LAMA1: variants seen among roughly 807,000 people sequenced by gnomAD.
LAMA1 encodes laminin subunit alpha-1.
Under a neutral mutation model 348.7 loss-of-function variants are expected in LAMA1, and 219 were observed. The ratio of observed to expected loss-of-function variants is 0.63; its 90% CI spans 0.56 to 0.70. The LOEUF (loss-of-function observed/expected upper bound fraction) is 0.70. Among genes scored for constraint, LAMA1 ranks in the 30% least tolerant of loss-of-function variants. The probability of loss-of-function intolerance (pLI) is 0.00; values close to 1 mark genes in which losing one functional copy is unlikely to be tolerated. For missense variants in LAMA1, 3,744 were observed against 3,888.0 expected (o/e 0.96, Z 0.99); for synonymous variants, 1,487 against 1,491.0 (o/e 1.00, Z 0.06).
chr18:7,112,402 C>T (rs2058339194), intron 1 of LAMA1, among the ~76,000 whole-genome samples: 1 of 152,064 alleles, frequency 6.6e-6, no homozygotes, highest in Non-Finnish European at 1.5e-5. Context: ...GTCCCTCTTA[C>T]ACTAATAGGG....
chr18:6,989,676 G>A (rs2057750285), intron 36 of LAMA1, among the ~76,000 whole-genome samples: 1 of 152,050 alleles, frequency 6.6e-6, no homozygotes, highest in Non-Finnish European at 1.5e-5. Context: ...GCCAATAGGG[G>A]AGGGTCAGGA....
rs748137370 is a variant in LAMA1, at chr18:7,012,023, G to A, written c.3479C>T (p.Ser1160Leu). Reference protein sequence around the residue: ...CFCSGLSHLCSELEDYVRTPV... With the variant: ...CFCSGLSHLCLELEDYVRTPV... Reference sequence around the variant, plus strand: ...GGTCCTCACGTAGTCCTCCAGCTCTGAGCAGAGGTGGGACAGCCCGGAGCA... The same window carrying A: ...GGTCCTCACGTAGTCCTCCAGCTCTAAGCAGAGGTGGGACAGCCCGGAGCA... The change falls in exon 24 of 63, where the codon TCA becomes TTA. Residue 1160 changes from serine to leucine, a missense_variant. Physicochemically the swap from Ser to Leu is moderately radical, Grantham distance 145. Coordinates refer to ENST00000389658, the MANE Select transcript of LAMA1 (RefSeq NM_005559.4). 1.1e-5 allele frequency: 18 copies of A among 1,609,720 alleles called. No individual in the cohort carries two copies. The East Asian group carries it at 1.6e-4, about 14-fold the overall frequency.
In LAMA1 at chr18:7,117,687, A is replaced by T; in HGVS notation, c.34T>A (p.Cys12Ser). The T allele has an allele frequency of 5.0e-6, 8 of 1,598,004 alleles. No homozygotes were observed. Among genetic ancestry groups the T allele is most frequent in the Non-Finnish European group, 6.8e-6 (8 of 1,178,348 alleles). Residue 12 changes from cysteine to serine, a missense_variant, in exon 1 of 63, where the codon TGT becomes AGT. By Grantham distance (112) the Cys-to-Ser change is moderately radical. Coordinates refer to ENST00000389658, the MANE Select transcript of LAMA1 (RefSeq NM_005559.4). ...RGGVLLVLLL[C>S]VAAQCRQRGL... ...CTCTGCCGGCACTGCGCGGCGACAC[A>T]CAGCAGCAAGACCAGGAGCACGCCC...
At chr18:7,086,543 T>A (rs143065211) in intron 1 of LAMA1, among the ~76,000 whole-genome samples, 1 of 151,762 alleles carries the variant, frequency 6.6e-6, no homozygotes, top group Non-Finnish European at 1.5e-5. Flanking sequence ...ACTGCACTTA[T>A]CATTCATACA....
intron 16 of LAMA1, 134 bp downstream of exon 16, chr18:7,031,932 C>A: frequency 1.7e-6 from 1 of 601,584 alleles, no homozygotes; most frequent in Non-Finnish European, 2.9e-6. Flanking sequence ...GAGCTTAAAT[C>A]TGTAAATTTT....
intron 39 of LAMA1, among the ~76,000 whole-genome samples, 180 bp downstream of exon 39, chr18:6,985,057 T>C (rs1208054929): frequency 6.6e-6 from 1 of 152,168 alleles, no homozygotes; most frequent in Non-Finnish European, 1.5e-5. Flanking sequence ...ACCATATATG[T>C]AGGCCAATGG....
Position 6,961,678 on chromosome 18 carries a change from C to A in LAMA1, c.7534G>T (p.Val2512Leu), listed in dbSNP as rs760823496. The A allele has an allele frequency of 6.2e-7, 1 of 1,614,138 alleles. No individual in the cohort carries two copies. The highest frequency in any genetic ancestry group is 8.5e-7 in the Non-Finnish European group (1 of 1,180,024). The change falls in exon 53 of 63, where the codon GTA becomes TTA. Residue 2512 changes from valine to leucine, a missense_variant. By Grantham distance (32) the Val-to-Leu change is conservative. Transcript: ENST00000389658. ...CTGCTGTTCGTGGTGGCAAATGTTA[C>A]CAGCCATTCTGATTCTGGTGACAAA... ...KSLSPESEWL[V>L]TFATTNSSGI...
In LAMA1 at chr18:6,962,009, A is replaced by G; in HGVS notation, c.7388T>C (p.Ile2463Thr). The change falls in exon 52 of 63, where the codon ATA (isoleucine) becomes ACA (threonine). Residue 2463 changes from isoleucine to threonine, a missense_variant. Physicochemically the swap from Ile to Thr is moderately conservative, Grantham distance 89 (BLOSUM62 -1). Coordinates refer to ENST00000389658, the MANE Select transcript of LAMA1 (RefSeq NM_005559.4). ...SFVGCIKNLE[I>T]SRSTFDLLRN... is the part of the protein sequence containing the mutation. ...GAGTAAGTCAAAGGTTGATCTGGAT[A>G]TTTCCAGGTTCTTGATGCAGCCCAC... The G allele has an allele frequency of 6.2e-7, 1 of 1,614,198 alleles. No homozygotes were observed. The highest frequency in any genetic ancestry group is 1.1e-5 in the South Asian group (1 of 91,088).
In LAMA1 at chr18:7,079,957, G is replaced by T. The variant is rs2058186147; in HGVS notation, c.345+18C>A. The stretch of plus-strand genomic sequence containing the variant: ...CAGCAGCCTGTAGACACTCTTCAAT[G>T]GTTCTGGGCTCACCTACCTGTCTTA... On this transcript the variant is annotated intron_variant, in intron 3 of 62. Coordinates refer to ENST00000389658, the MANE Select transcript of LAMA1 (RefSeq NM_005559.4). 2 of 1,559,658 alleles carry T rather than the reference G, an allele frequency of 1.3e-6. No homozygotes were observed. Among genetic ancestry groups the T allele is most frequent in the South Asian group, 2.2e-5 (2 of 89,856 alleles).
At chr18:7,081,533 T>A (rs6417045) in intron 1 of LAMA1, among the ~76,000 whole-genome samples, 101,631 of 152,096 alleles carry the variant, frequency 0.67, 36,192 homozygotes, top group African/African-American at 0.91. Flanking sequence ...GCCTTTGTAC[T>A]GTTCCTTTGT....
chr18:7,046,232 AT>A (rs755030338), intron 6 of LAMA1, 45 bp downstream of exon 6: 1 of 1,224,934 alleles, frequency 8.2e-7, no homozygotes, highest in Non-Finnish European at 1.2e-6. Flanking sequence ...TATAGCTACA[AT>A]TTCTGTTTTG....
chr18:7,040,148 G>A lies in LAMA1; in HGVS notation c.1350C>T (p.Thr450=). The stretch of plus-strand genomic sequence containing the variant: ...CTGGGTTGCACCCACAGGAGACACA[G>A]GTCGGGTAATCCTTATAGCCAAGTT... ...RCQLGYKDYP[T]CVSCGCNPVG... Residue 450 remains threonine (T), a synonymous_variant, in exon 10 of 63, where the codon ACC becomes ACT. Coordinates refer to ENST00000389658, the MANE Select transcript of LAMA1 (RefSeq NM_005559.4). 6.2e-7 allele frequency: 1 copy of A among 1,614,082 alleles called. No individual in the cohort carries two copies. The highest frequency in any genetic ancestry group is 8.5e-7 in the Non-Finnish European group (1 of 1,180,012).
intron 8 of LAMA1, chr18:7,042,514 G>A: frequency 2.5e-6 from 1 of 401,012 alleles, no homozygotes; most frequent in Admixed American, 3.6e-5. Flanking sequence ...CCCTCGCGCT[G>A]CTGTCTCTCA....
chr18:6,983,160 A>G lies in LAMA1; in HGVS notation c.5735T>C (p.Leu1912Pro). The G allele has an allele frequency of 6.2e-7, 1 of 1,614,166 alleles. No individual in the cohort carries two copies. Among genetic ancestry groups the G allele is most frequent in the Non-Finnish European group, 8.5e-7 (1 of 1,180,028 alleles). The change falls in exon 40 of 63, where the codon CTG (leucine) becomes CCG (proline). Residue 1912 changes from leucine (L) to proline (P), a missense_variant. Leu to Pro is a moderately conservative substitution (Grantham distance 98). This residue lies in a region of LAMA1 where 1,983 missense variants were observed against 1,934.3 expected (regional missense o/e 1.03). Coordinates refer to ENST00000389658, the MANE Select transcript of LAMA1 (RefSeq NM_005559.4). ...GGCCAGTTCCTCCGATTCTTCAATC[A>G]GGCTCTGGATGTTGTAATGGACATA... Reference protein sequence around the residue: ...AAYVHYNIQSLIEESEELARD... With the variant: ...AAYVHYNIQSPIEESEELARD...
At chr18:7,099,802 C>T (rs915038538) in intron 1 of LAMA1, among the ~76,000 whole-genome samples, 8 of 151,740 alleles carry the variant, frequency 5.3e-5, no homozygotes, top group Non-Finnish European at 8.8e-5. Context: ...TTCACACCTG[C>T]AATCCCAGCA....
chr18:7,050,982 C>T, intron 3 of LAMA1, 46 bp from the exon 4 acceptor site: 1 of 1,608,748 alleles, frequency 6.2e-7, no homozygotes, highest in Non-Finnish European at 8.5e-7. Flanking sequence ...TCAATACAAG[C>T]CAGGCACAGA....
chr18:7,010,373 C>T lies in LAMA1; in HGVS notation c.3700G>A (p.Gly1234Ser), dbSNP rs141036112. 2.5e-6 allele frequency: 4 copies of T among 1,613,914 alleles called. No homozygotes were observed. In the African/African-American group the frequency reaches 5.3e-5, roughly 22 times the overall value. Residue 1234 changes from glycine to serine, a missense_variant, in exon 26 of 63, where the codon GGT (glycine) becomes AGT (serine). Coordinates refer to ENST00000389658, the MANE Select transcript of LAMA1 (RefSeq NM_005559.4). ...GCCACGCTGTACTTCAGTTTGCCAC[C>T]ATAGGCCATGAGCTATCAAATAATA... Reference protein sequence around the residue: ...QFQGDQLMAYGGKLKYSVAFY... With the variant: ...QFQGDQLMAYSGKLKYSVAFY...
chr18:7,115,526 T>A (rs2058351803), intron 1 of LAMA1, among the ~76,000 whole-genome samples: 1 of 151,920 alleles, frequency 6.6e-6, no homozygotes, highest in African/African-American at 2.4e-5. Context: ...CGTCTAACAA[T>A]CTGAATGTCA....
Position 7,026,109 on chromosome 18 carries a change from A to G in LAMA1, c.2275-3T>C. ...CCGGTGGTGTTGTGCGCACACGCCT[A>G]GGAACATGCACCAGAAGAATCAGCT... is the stretch of plus-strand genomic sequence containing the variant. On this transcript the variant is annotated splice_polypyrimidine_tract_variant and splice_region_variant and intron_variant, in intron 16 of 62. Coordinates refer to ENST00000389658, the MANE Select transcript of LAMA1 (RefSeq NM_005559.4). The G allele has an allele frequency of 1.9e-6, 3 of 1,610,984 alleles. No homozygotes were observed. The highest frequency in any genetic ancestry group is 2.5e-6 in the Non-Finnish European group (3 of 1,178,348).
Sources: allele counts gnomAD v4.1 joint callset (sites outside exome capture counted in the v4.1 genomes callset), GRCh38; gene constraint gnomAD v4.1.1; regional missense constraint gnomAD v4.1.1; transcripts MANE v1.5; gene names NCBI Gene and HGNC (gene_info 2026-07-23, HGNC 2026-07-21).